GRIK4: variants seen among roughly 807,000 people sequenced by gnomAD.
The protein encoded by GRIK4 is glutamate ionotropic receptor kainate type subunit 4, also known as glutamate receptor ionotropic, kainate 4.
A neutral mutation model predicts 104.9 loss-of-function variants in GRIK4; 40 were observed. That is an observed-to-expected ratio of 0.38 (90% CI 0.30 to 0.50). The LOEUF is 0.50. GRIK4 is among the 20% of genes least tolerant of loss of function. The pLI is 0.93. For missense variants in GRIK4, 1,047 were observed against 1,308.1 expected, an observed-to-expected ratio of 0.80 and a Z score of 3.08; for synonymous variants, 485 against 524.9, an observed-to-expected ratio of 0.92 and a Z score of 1.04.
At chr11:120,944,951 A>T (rs1338583124) in intron 14 of GRIK4, among the ~76,000 whole-genome samples, 1 of 152,128 alleles carries the variant, frequency 6.6e-6, no homozygotes, top group African/African-American at 2.4e-5. Flanking sequence ...CAACAAATGT[A>T]TATTAATTGT....
intron 3 of GRIK4, among the ~76,000 whole-genome samples, chr11:120,729,449 C>T (rs1351148846): frequency 6.6e-6 from 1 of 152,192 alleles, no homozygotes; most frequent in African/African-American, 2.4e-5. Context: ...GGATAAAAGT[C>T]GTTTCAACTG....
At chr11:120,687,644 C>G (rs1005475871) in intron 3 of GRIK4, among the ~76,000 whole-genome samples, 4 of 152,128 alleles carry the variant, frequency 2.6e-5, no homozygotes, top group African/African-American at 9.7e-5. Flanking sequence ...CTGCTGTGAT[C>G]TTCCTCAAGA....
rs529981497 is a variant in GRIK4 at position 120,532,115 on chromosome 11, G to A, written c.-159+20228G>A. 1.2e-3 allele frequency among the ~76,000 whole-genome samples: 188 copies of A among 152,300 alleles called. 2 individuals are homozygous for A. The highest frequency in any genetic ancestry group is 4.4e-3 in the African/African-American group (182 of 41,546). ...GAGCAAGACAGCCACAGCTGGAGCC[G>A]GGTACCTGTGGCCACTCAGGCCCTG... On this transcript the variant is annotated intron_variant, in intron 1 of 20. Transcript: ENST00000527524.
intron 1 of GRIK4, among the ~76,000 whole-genome samples, chr11:120,580,866 A>G (rs1239432056): frequency 6.6e-6 from 1 of 152,054 alleles, no homozygotes; most frequent in Non-Finnish European, 1.5e-5. Context: ...TGGCTGTGCC[A>G]TTTTCCCTTC....
chr11:120,604,307 G>A (rs1485666571), intron 1 of GRIK4, among the ~76,000 whole-genome samples: 1 of 152,186 alleles, frequency 6.6e-6, no homozygotes, highest in Non-Finnish European at 1.5e-5. Flanking sequence ...CGAGGTGTGG[G>A]GAGCCCTCTG....
chr11:120,750,310 T>G (rs545849937), intron 3 of GRIK4, among the ~76,000 whole-genome samples: 1 of 150,120 alleles, frequency 6.7e-6, no homozygotes, highest in South Asian at 2.2e-4. Context: ...ACCCTAATCC[T>G]GCCCTGGTTA....
rs551504492 is a variant in GRIK4, at chr11:120,755,124, A to G, written c.83-47569A>G. ...CAGAGGTTCAAAGTTTATTCTTTCA[A>G]CAGTTATTGAGACTGTCTATAGTCA... is the stretch of plus-strand genomic sequence containing the variant. On this transcript the variant is annotated intron_variant, in intron 3 of 20. Coordinates refer to ENST00000527524, the MANE Select transcript of GRIK4 (RefSeq NM_014619.5). 2.0e-5 allele frequency among the ~76,000 whole-genome samples: 3 copies of G among 152,286 alleles called. No individual in the cohort carries two copies. In the East Asian group the frequency reaches 5.8e-4, roughly 29 times the overall value.
At chr11:120,660,432 C>A in intron 3 of GRIK4, 32 bp downstream of exon 3, 4 of 1,501,358 alleles carry the variant, frequency 2.7e-6, no homozygotes, top group Non-Finnish European at 3.7e-6. Flanking sequence ...GCAGTGCCCC[C>A]ACCCACTATC....
At chr11:120,884,141 T>G (rs1343677652) in intron 11 of GRIK4, among the ~76,000 whole-genome samples, 1 of 152,254 alleles carries the variant, frequency 6.6e-6, no homozygotes, top group East Asian at 1.9e-4. Flanking sequence ...TCCCAGTTTC[T>G]GTTCTAGCAT....
At chr11:120,545,426 C>T (rs1223959484) in intron 1 of GRIK4, among the ~76,000 whole-genome samples, 2 of 152,174 alleles carry the variant, frequency 1.3e-5, no homozygotes, top group African/African-American at 4.8e-5. Context: ...TGCCAACAAT[C>T]CTACCATGTA....
At chr11:120,908,454 C>CAAAA (rs137912422) in intron 13 of GRIK4, among the ~76,000 whole-genome samples, 2 of 24,520 alleles carry the variant, frequency 8.2e-5, no homozygotes, top group African/African-American at 1.9e-4. Flanking sequence ...CACACACACA[C>CAAAA]ACACACAGAG....
chr11:120,608,598 A>AC (rs1372129759), intron 1 of GRIK4, among the ~76,000 whole-genome samples: 28 of 151,536 alleles, frequency 1.8e-4, no homozygotes, highest in African/African-American at 5.6e-4. Context: ...GGAAGCAGTG[A>AC]CCCCCCTTCT....
intron 3 of GRIK4, among the ~76,000 whole-genome samples, chr11:120,731,519 G>A (rs184166146): frequency 1.6e-4 from 25 of 152,192 alleles, no homozygotes; most frequent in Admixed American, 1.6e-3. Context: ...ATACTGGCCT[G>A]TAGTTTTCTA....
intron 3 of GRIK4, among the ~76,000 whole-genome samples, chr11:120,769,381 C>T (rs1951897472): frequency 6.6e-6 from 1 of 152,064 alleles, no homozygotes; most frequent in Non-Finnish European, 1.5e-5. Context: ...TCTGAGGCCA[C>T]TACAACTTTT....
intron 3 of GRIK4, among the ~76,000 whole-genome samples, chr11:120,662,333 G>GT (rs151200462): frequency 1.5e-3 from 228 of 152,322 alleles, no homozygotes; most frequent in African/African-American, 5.3e-3. Flanking sequence ...GGCTGGCAAG[G>GT]TCAAACCGGG....
chr11:120,512,826 G>A (rs1423888468), intron 1 of GRIK4, among the ~76,000 whole-genome samples: 1 of 152,156 alleles, frequency 6.6e-6, no homozygotes. Flanking sequence ...AGTGAGGGGA[G>A]GAGTTGGAGC....
At chr11:120,705,591 G>T (rs553642423) in intron 3 of GRIK4, among the ~76,000 whole-genome samples, 1 of 152,114 alleles carries the variant, frequency 6.6e-6, no homozygotes, top group South Asian at 2.1e-4. Flanking sequence ...TCTGTAGATC[G>T]CTTTGGGGAG....
chr11:120,879,684 A>G (rs1954910977), intron 11 of GRIK4, among the ~76,000 whole-genome samples: 1 of 152,178 alleles, frequency 6.6e-6, no homozygotes, highest in Non-Finnish European at 1.5e-5. Flanking sequence ...TGTCAGTGAC[A>G]TTTCTGAACC....
At chr11:120,885,924 A>G (rs928524506) in intron 11 of GRIK4, among the ~76,000 whole-genome samples, 2 of 152,094 alleles carry the variant, frequency 1.3e-5, no homozygotes, top group Non-Finnish European at 2.9e-5. Context: ...AGAACAGCCA[A>G]TGTGGTTTTA....
Sources: gnomAD v4.1 joint callset for allele counts (sites outside exome capture counted in the v4.1 genomes callset) on GRCh38, gnomAD v4.1.1 for gene constraint, MANE v1.5 for transcripts, NCBI Gene and HGNC (gene_info 2026-07-23, HGNC 2026-07-21) for gene names.